The following CSMD1 variants were observed in gnomAD, a reference collection of about 807,000 sequenced individuals.
CSMD1 encodes the protein CUB and Sushi multiple domains 1.
Under a neutral mutation model 417.5 loss-of-function variants are expected in CSMD1, and 213 were observed. The observed-to-expected ratio is 0.51, with a 90% confidence interval of 0.46 to 0.57. The LOEUF is 0.57. Among genes scored for constraint, CSMD1 ranks in the 20% least tolerant of loss-of-function variants. The pLI, the probability that CSMD1 is intolerant of heterozygous loss-of-function variation, is 0.00. For synonymous variants in CSMD1, 2,862 were observed against 1,736.8 expected (o/e 1.65, Z -16.11); for missense variants, 6,923 against 4,529.7 (o/e 1.53, Z -15.17).
chr8:3,825,427 G>C (rs964711594), intron 5 of CSMD1, among the ~76,000 whole-genome samples: 7 of 152,290 alleles, frequency 4.6e-5, no homozygotes, highest in South Asian at 2.1e-4. Context: ...TACTTGGGAG[G>C]CTGAGGCAGT....
chr8:4,927,712 T>C (rs185583035), intron 1 of CSMD1, among the ~76,000 whole-genome samples: 96 of 152,270 alleles, frequency 6.3e-4, no homozygotes, highest in African/African-American at 2.2e-3. Flanking sequence ...ATATGTCAGA[T>C]GATACTTATC....
chr8:3,915,400 T>C, intron 5 of CSMD1, among the ~76,000 whole-genome samples: 1 of 104,866 alleles, frequency 9.5e-6, no homozygotes. Context: ...AGTAAGACTC[T>C]GTCTCAAAAA....
chr8:3,622,676 A>C (rs527917423), intron 7 of CSMD1, among the ~76,000 whole-genome samples: 30 of 152,370 alleles, frequency 2.0e-4, no homozygotes, highest in Admixed American at 1.9e-3. Flanking sequence ...TAAATGTAAA[A>C]TACAGGCGAT....
intron 3 of CSMD1, among the ~76,000 whole-genome samples, chr8:4,216,540 T>G (rs1054119540): frequency 1.3e-5 from 2 of 152,164 alleles, no homozygotes; most frequent in Non-Finnish European, 2.9e-5. Flanking sequence ...ATTCTCAAGA[T>G]CAAAGAACCC....
intron 54 of CSMD1, among the ~76,000 whole-genome samples, chr8:2,981,990 G>A (rs1183371459): frequency 2.0e-5 from 3 of 152,084 alleles, no homozygotes; most frequent in Non-Finnish European, 2.9e-5. Context: ...GACTCATTAA[G>A]CTATTTTCTC....
In CSMD1 at chr8:2,955,692, G is replaced by A; in HGVS notation, c.9891C>T (p.Thr3297=). 1 of 1,613,940 alleles carries A rather than the reference G, an allele frequency of 6.2e-7. No homozygotes were observed. The highest frequency in any genetic ancestry group is 8.5e-7 in the Non-Finnish European group (1 of 1,179,834). ...RAIDLPTFGY[T]LVYTCHPGFF... Reference sequence around the variant, plus strand: ...AGCCTGGATGGCAGGTGTACACTAAGGTGTAGCCGAAAGTAGGAAGATCGA... The same window carrying A: ...AGCCTGGATGGCAGGTGTACACTAAAGTGTAGCCGAAAGTAGGAAGATCGA... The change falls in exon 64 of 70, where the codon ACC becomes ACT. Residue 3297 remains threonine, a synonymous_variant. Coordinates refer to ENST00000635120, the MANE Select transcript of CSMD1 (RefSeq NM_033225.6).
intron 3 of CSMD1, among the ~76,000 whole-genome samples, chr8:4,063,949 A>G (rs1206457996): frequency 1.3e-5 from 2 of 152,200 alleles, no homozygotes; most frequent in African/African-American, 2.4e-5. Context: ...TCATTAAATC[A>G]TAAAATATTA....
At chr8:4,541,138 C>G (rs994391441) in intron 2 of CSMD1, among the ~76,000 whole-genome samples, 1 of 152,096 alleles carries the variant, frequency 6.6e-6, no homozygotes, top group Admixed American at 6.5e-5. Context: ...TTTTTTACCA[C>G]CAATTTAAGC....
intron 55 of CSMD1, among the ~76,000 whole-genome samples, 195 bp downstream of exon 55, chr8:2,978,417 C>G (rs1805115496): frequency 6.6e-6 from 1 of 152,200 alleles, no homozygotes. Flanking sequence ...TCCCCCGACC[C>G]TTCAAATTTG....
intron 5 of CSMD1, among the ~76,000 whole-genome samples, chr8:3,833,009 C>G (rs1802462447): frequency 6.6e-6 from 1 of 152,086 alleles, no homozygotes. Flanking sequence ...ATTAAAGTGT[C>G]AGCTGCTAAG....
chr8:4,731,545 T>G (rs1809866195), intron 1 of CSMD1, among the ~76,000 whole-genome samples: 1 of 152,224 alleles, frequency 6.6e-6, no homozygotes, highest in Admixed American at 6.5e-5. Flanking sequence ...CTTTTGTTCA[T>G]TAATTATTAA....
At chr8:3,213,757 A>G (rs1475485638) in intron 30 of CSMD1, among the ~76,000 whole-genome samples, 1 of 150,734 alleles carries the variant, frequency 6.6e-6, no homozygotes, top group African/African-American at 2.4e-5. Flanking sequence ...ATGTGTGTGT[A>G]TGTATATATA....
intron 3 of CSMD1, among the ~76,000 whole-genome samples, chr8:4,205,268 C>T (rs1016684630): frequency 6.6e-6 from 1 of 152,120 alleles, no homozygotes. Context: ...TTTTGCTGCT[C>T]ATATAGTTTT....
intron 5 of CSMD1, among the ~76,000 whole-genome samples, chr8:3,933,536 G>C (rs1016873709): frequency 6.6e-6 from 1 of 152,180 alleles, no homozygotes; most frequent in African/African-American, 2.4e-5. Context: ...CCTTTGAGAA[G>C]AAAGAGATGA....
At chr8:4,923,798 A>T (rs1585337789) in intron 1 of CSMD1, among the ~76,000 whole-genome samples, 1 of 152,286 alleles carries the variant, frequency 6.6e-6, no homozygotes, top group East Asian at 1.9e-4. Flanking sequence ...CCAATGGTAG[A>T]AATATAATAA....
chr8:4,035,946 T>A (rs192702852), intron 3 of CSMD1, among the ~76,000 whole-genome samples: 20 of 152,298 alleles, frequency 1.3e-4, no homozygotes, highest in Non-Finnish European at 2.6e-4. Context: ...ACAAACTCTA[T>A]TCACGGTAAG....
chr8:4,342,152 C>T (rs940996534), intron 3 of CSMD1, among the ~76,000 whole-genome samples: 1 of 151,958 alleles, frequency 6.6e-6, no homozygotes, highest in South Asian at 2.1e-4. Context: ...CTAAGACTGT[C>T]TACCAAGCCA....
chr8:3,357,668 T>G (rs370066102), intron 21 of CSMD1, among the ~76,000 whole-genome samples: 7 of 152,292 alleles, frequency 4.6e-5, no homozygotes, highest in African/African-American at 1.4e-4. Context: ...CTTGATTTCA[T>G]TGAGTTGGGG....
At chr8:4,396,381 T>A (rs984717700) in intron 3 of CSMD1, among the ~76,000 whole-genome samples, 7 of 151,836 alleles carry the variant, frequency 4.6e-5, no homozygotes, top group Non-Finnish European at 7.4e-5. Context: ...GCAGGAGGAT[T>A]GCTTGAGCCT....
Sources: allele counts gnomAD v4.1 joint callset (sites outside exome capture counted in the v4.1 genomes callset), GRCh38; gene constraint gnomAD v4.1.1; transcripts MANE v1.5; gene names NCBI Gene and HGNC (gene_info 2026-07-23, HGNC 2026-07-21).